The following C10orf143 variants were observed in gnomAD, a reference collection of about 807,000 sequenced individuals.
C10orf143 encodes chromosome 10 open reading frame 143, also known as uncharacterized protein C10orf143.
chr10:130,108,037 C>T (rs1861688638), intron 1 of C10orf143: 1 of 1,484,234 alleles, frequency 6.7e-7, no homozygotes. Flanking sequence ...GAAATGACAC[C>T]AAAGATGATC....
rs536148129 is a variant in C10orf143, at chr10:130,100,437, C to T, written c.69+10267G>A. Among the ~76,000 whole-genome samples, 8 of 151,770 alleles carry T rather than the reference C, an allele frequency of 5.3e-5. No individual in the cohort carries two copies. In the South Asian group the frequency reaches 1.5e-3, roughly 28 times the overall value. The stretch of plus-strand genomic sequence containing the variant: ...CCCAGCTACTCGGGAGGCTGAGGCA[C>T]GAGAATTGCTTGAACCTGGGAGGCG... On this transcript the variant is annotated intron_variant, in intron 1 of 3. Transcript: ENST00000637128.
intron 3 of C10orf143, among the ~76,000 whole-genome samples, chr10:130,077,131 T>C (rs1861131093): frequency 6.6e-6 from 1 of 152,130 alleles, no homozygotes; most frequent in African/African-American, 2.4e-5. Flanking sequence ...ATAGTAACCA[T>C]TGTAACAATG....
chr10:130,085,812 T>C (rs1370490303), intron 1 of C10orf143, among the ~76,000 whole-genome samples: 5 of 152,106 alleles, frequency 3.3e-5, no homozygotes, highest in African/African-American at 4.8e-5. Flanking sequence ...GCATCCCTAA[T>C]GTGAGAGAAA....
chr10:130,073,890 G>C (rs1483459727), intron 3 of C10orf143, among the ~76,000 whole-genome samples: 2 of 152,064 alleles, frequency 1.3e-5, no homozygotes, highest in African/African-American at 4.8e-5. Context: ...TTTTGTCAGT[G>C]GTCTATTCAT....
intron 3 of C10orf143, among the ~76,000 whole-genome samples, chr10:130,044,466 C>G (rs771241984): frequency 6.6e-6 from 1 of 152,218 alleles, no homozygotes; most frequent in Non-Finnish European, 1.5e-5. Flanking sequence ...CAGGTAGGCT[C>G]TGCTCCAGCC....
chr10:130,070,976 T>C (rs7077651), intron 3 of C10orf143, among the ~76,000 whole-genome samples: 5,753 of 152,046 alleles, frequency 0.038, 288 homozygotes, highest in East Asian at 0.11. Context: ...AGTGCAGTGG[T>C]GGGATCTTGG....
chr10:130,082,443 A>G (rs921311936), intron 1 of C10orf143, among the ~76,000 whole-genome samples: 3 of 152,156 alleles, frequency 2.0e-5, no homozygotes, highest in African/African-American at 7.2e-5. Flanking sequence ...TGTAGCTCCT[A>G]TAATTCCCAC....
downstream of C10orf143, among the ~76,000 whole-genome samples, chr10:130,061,944 G>T (rs1240867149): frequency 6.6e-6 from 1 of 151,950 alleles, no homozygotes; most frequent in Non-Finnish European, 1.5e-5. Flanking sequence ...AGGTGGGGCT[G>T]AAGGCCAGGA....
chr10:130,045,685 C>G (rs1319378466), intron 3 of C10orf143, among the ~76,000 whole-genome samples: 1 of 152,250 alleles, frequency 6.6e-6, no homozygotes, highest in Non-Finnish European at 1.5e-5. Flanking sequence ...TCCAGCCACA[C>G]CCCACACAAC....
chr10:130,041,299 C>T (rs1860604296), intron 3 of C10orf143, among the ~76,000 whole-genome samples: 1 of 152,204 alleles, frequency 6.6e-6, no homozygotes, highest in African/African-American at 2.4e-5. Context: ...ACTGAGTCCC[C>T]TCCGAAGGTC....
At chr10:130,108,509 G>T (rs1382291344) in intron 1 of C10orf143, 1 of 698,378 alleles carries the variant, frequency 1.4e-6, no homozygotes, top group Middle Eastern at 2.5e-4. Context: ...TCAAGTAACT[G>T]CTGTTACTTA....
downstream of C10orf143, among the ~76,000 whole-genome samples, chr10:130,063,477 G>GA (rs1487487685): frequency 6.6e-6 from 1 of 152,194 alleles, no homozygotes; most frequent in African/African-American, 2.4e-5. Context: ...ATCTTACCCA[G>GA]GCTTAATGAA....
chr10:130,072,153 T>C (rs1564959830), intron 3 of C10orf143, among the ~76,000 whole-genome samples: 1 of 152,224 alleles, frequency 6.6e-6, no homozygotes, highest in Non-Finnish European at 1.5e-5. Context: ...TGTTTAAAGA[T>C]CTCAATTTTA....
chr10:130,052,373 T>C (rs966411497), intron 3 of C10orf143, among the ~76,000 whole-genome samples: 11 of 152,158 alleles, frequency 7.2e-5, no homozygotes, highest in Non-Finnish European at 1.5e-4. Flanking sequence ...GTGAGGCAGC[T>C]TGAACCACCA....
downstream of C10orf143, among the ~76,000 whole-genome samples, chr10:130,059,482 C>T (rs1352863352): frequency 6.6e-6 from 1 of 152,134 alleles, no homozygotes; most frequent in Non-Finnish European, 1.5e-5. Context: ...TTACAAAAGA[C>T]ACACACGGCC....
intron 3 of C10orf143, among the ~76,000 whole-genome samples, chr10:130,073,714 T>C (rs1247919443): frequency 6.6e-6 from 1 of 152,184 alleles, no homozygotes; most frequent in Non-Finnish European, 1.5e-5. Context: ...AAGTCTAAAT[T>C]GAACTTGTTT....
In C10orf143 at chr10:130,102,553, C is replaced by T. The variant is rs538160550; in HGVS notation, c.69+8151G>A. On this transcript the variant is annotated intron_variant, in intron 1 of 3. Transcript: ENST00000637128. ...CCTCCCAAAGTGCTGGGATTAAAGG[C>T]GTGAGCCACTGCACTGGCCAGTAGT... Among the ~76,000 whole-genome samples, 5 of 152,266 alleles carry T rather than the reference C, an allele frequency of 3.3e-5. No individual in the cohort carries two copies. In the South Asian group the frequency reaches 8.3e-4, roughly 25 times the overall value.
At chr10:130,035,268 G>A (rs1860532739) in intron 4 of C10orf143, among the ~76,000 whole-genome samples, 1 of 152,086 alleles carries the variant, frequency 6.6e-6, no homozygotes, top group South Asian at 2.1e-4. Flanking sequence ...TCATCCTATG[G>A]CCATCCTTTG....
chr10:130,045,274 C>T (rs917476290), intron 3 of C10orf143, among the ~76,000 whole-genome samples: 1 of 152,256 alleles, frequency 6.6e-6, no homozygotes, highest in Admixed American at 6.5e-5. Flanking sequence ...GCGCCCTCTG[C>T]CTGCAGGTCG....
Sources: allele counts gnomAD v4.1 joint callset (sites outside exome capture counted in the v4.1 genomes callset), GRCh38; gene constraint gnomAD v4.1.1; transcripts MANE v1.5; gene names NCBI Gene and HGNC (gene_info 2026-07-23, HGNC 2026-07-21).